TSPEAR: variants seen among roughly 807,000 people sequenced by gnomAD.
TSPEAR encodes the protein thrombospondin-type laminin G domain and EAR repeat-containing protein.
A neutral mutation model predicts 71.6 loss-of-function variants in TSPEAR; 69 were observed. The observed-to-expected ratio is 0.96, with a 90% CI of 0.79 to 1.18. The LOEUF (loss-of-function observed/expected upper bound fraction) is 1.18, where lower values mean the gene tolerates loss of function less well. Ranked by LOEUF, TSPEAR falls within the 50% of genes most tolerant of loss-of-function variation. TSPEAR has a pLI of 0.00. For missense variants in TSPEAR, 971 were observed against 894.9 expected (o/e 1.09, Z -1.09); for synonymous variants, 402 against 387.2 (o/e 1.04, Z -0.45).
intron 1 of TSPEAR, among the ~76,000 whole-genome samples, chr21:44,598,025 A>C (rs1430463281): frequency 6.6e-6 from 1 of 152,138 alleles, no homozygotes; most frequent in Non-Finnish European, 1.5e-5. Context: ...GCTTCTCTTC[A>C]AACAGGCTGC....
intron 3 of TSPEAR, among the ~76,000 whole-genome samples, chr21:44,533,089 T>G (rs1555915916): frequency 6.6e-6 from 1 of 152,252 alleles, no homozygotes. Flanking sequence ...CTTGGTGTGA[T>G]CGCCCTTACC....
chr21:44,682,257 C>G, intron 1 of TSPEAR: 1 of 1,067,576 alleles, frequency 9.4e-7, no homozygotes, highest in Non-Finnish European at 1.3e-6. Flanking sequence ...CCTTGTTTTT[C>G]TTCCTCAAGG....
Position 44,506,948 on chromosome 21 carries a change from G to T in TSPEAR, c.1755-2067C>A, listed in dbSNP as rs1462831932. 6.6e-6 allele frequency: 1 copy of T among 152,256 alleles called. No homozygotes were observed. Among genetic ancestry groups the T allele is most frequent in the Non-Finnish European group, 1.5e-5 (1 of 68,062 alleles). 9.4% of individuals were successfully genotyped at this position (152,256 alleles called of 1,614,324 possible). ...CCTGGGTCACACTCGCTGTAGGACA[G>T]ATGTTATTCTTCAGAATCACGCCCT... On this transcript the variant is annotated intron_variant, in intron 10 of 11. Coordinates refer to ENST00000323084, the MANE Select transcript of TSPEAR (RefSeq NM_144991.3). The surrounding 1 kb of genome is among the most constrained non-coding windows in gnomAD (Gnocchi z 4.2).
chr21:44,606,163 C>CAAAAAAAAA (rs61407657), intron 1 of TSPEAR, among the ~76,000 whole-genome samples: 3 of 71,002 alleles, frequency 4.2e-5, no homozygotes, highest in African/African-American at 8.5e-5. Flanking sequence ...GACCCTGGCT[C>CAAAAAAAAA]AAAAAAAAAA....
intron 1 of TSPEAR, among the ~76,000 whole-genome samples, chr21:44,688,937 C>T (rs1986985402): frequency 6.6e-6 from 1 of 152,132 alleles, no homozygotes; most frequent in South Asian, 2.1e-4. Context: ...TTCTCTCATG[C>T]TGGCCTCGGG....
At chr21:44,548,839 C>T (rs2053348638) in intron 2 of TSPEAR, among the ~76,000 whole-genome samples, 1 of 152,204 alleles carries the variant, frequency 6.6e-6, no homozygotes, top group Admixed American at 6.5e-5. Flanking sequence ...GAACACTCTG[C>T]ACCAGCAATG....
At chr21:44,513,923 C>T (rs2052475229) in intron 9 of TSPEAR, among the ~76,000 whole-genome samples, 1 of 152,126 alleles carries the variant, frequency 6.6e-6, no homozygotes, top group African/African-American at 2.4e-5. Flanking sequence ...GGGGGCAGCG[C>T]TACTGGATGA....
At chr21:44,540,585 C>G (rs2053203965) in intron 2 of TSPEAR, among the ~76,000 whole-genome samples, 1 of 152,200 alleles carries the variant, frequency 6.6e-6, no homozygotes, top group African/African-American at 2.4e-5. Context: ...GTGGGGGCGT[C>G]TCCTCCCTAA....
At chr21:44,627,907 C>T (rs1982968740) in intron 1 of TSPEAR, 1 of 1,520,446 alleles carries the variant, frequency 6.6e-7, no homozygotes, top group African/African-American at 1.4e-5. Flanking sequence ...CTGCTGCGTG[C>T]CCGTCTCCTC....
At chr21:44,697,745 G>T in intron 1 of TSPEAR, 2 of 1,614,094 alleles carry the variant, frequency 1.2e-6, no homozygotes, top group Non-Finnish European at 1.7e-6. Flanking sequence ...CTGCCAGCCA[G>T]CTTGCTGCAC....
chr21:44,685,712 G>A (rs1174223907), intron 1 of TSPEAR, among the ~76,000 whole-genome samples: 6 of 152,210 alleles, frequency 3.9e-5, no homozygotes, highest in South Asian at 2.1e-4. Context: ...TTCAGGATGA[G>A]TCACTTATTG....
chr21:44,542,742 T>TAAAAAAAAAAAA (rs11404148), intron 2 of TSPEAR, among the ~76,000 whole-genome samples: 1 of 120,004 alleles, frequency 8.3e-6, no homozygotes, highest in Non-Finnish European at 1.7e-5. Context: ...AGAGACCTGT[T>TAAAAAAAAAAAA]AAAAAAAAAA....
At chr21:44,538,595 C>T (rs1423445679) in intron 2 of TSPEAR, among the ~76,000 whole-genome samples, 5 of 152,196 alleles carry the variant, frequency 3.3e-5, no homozygotes, top group African/African-American at 4.8e-5. Context: ...GCAGAACCCT[C>T]GGGCGGGCGG....
At chr21:44,511,975 G>C (rs1409348206) in intron 9 of TSPEAR, among the ~76,000 whole-genome samples, 1 of 151,558 alleles carries the variant, frequency 6.6e-6, no homozygotes, top group Non-Finnish European at 1.5e-5. Context: ...CTGCAGATGG[G>C]GGACCATGGA....
rs782046626 is a variant in TSPEAR, at chr21:44,504,766, C to T, written c.1856+14G>A. 3.5e-5 allele frequency: 56 copies of T among 1,604,870 alleles called. No homozygotes were observed. The highest frequency in any genetic ancestry group is 4.4e-5 in the South Asian group (4 of 90,826). ...CAAGGCTCTGGGAGGAGGCCGGCCTCGGCAGCTCATTACCTGTAAATAATA... is the reference window on the plus strand; with the variant it reads ...CAAGGCTCTGGGAGGAGGCCGGCCTTGGCAGCTCATTACCTGTAAATAATA... On this transcript the variant is annotated intron_variant, in intron 11 of 11. Coordinates refer to ENST00000323084, the MANE Select transcript of TSPEAR (RefSeq NM_144991.3).
intron 11 of TSPEAR, among the ~76,000 whole-genome samples, chr21:44,503,051 G>A (rs2052076145): frequency 6.9e-6 from 1 of 145,396 alleles, no homozygotes; most frequent in Non-Finnish European, 1.5e-5. Context: ...GCAAGGCTCT[G>A]GGAGGAAGCT....
At chr21:44,508,691 C>G (rs587626524) in intron 10 of TSPEAR, 1 of 1,218,156 alleles carries the variant, frequency 8.2e-7, no homozygotes, top group African/African-American at 1.6e-5. Flanking sequence ...CAGACCCACC[C>G]TCCATGTTCC....
At chr21:44,629,881 G>A (rs1983156930) in intron 1 of TSPEAR, among the ~76,000 whole-genome samples, 1 of 152,222 alleles carries the variant, frequency 6.6e-6, no homozygotes, top group Admixed American at 6.5e-5. Flanking sequence ...GCTTCCAGAA[G>A]GGGAAGGTGG....
At chr21:44,508,934 T>C (rs2145920676) in intron 10 of TSPEAR, 1 of 1,525,790 alleles carries the variant, frequency 6.6e-7, no homozygotes, top group African/African-American at 1.4e-5. Flanking sequence ...AAGGAGGTAA[T>C]GGGTGTGAAG....
Sources: gnomAD v4.1 joint callset for allele counts (sites outside exome capture counted in the v4.1 genomes callset) on GRCh38, gnomAD v4.1.1 for gene constraint, Gnocchi (gnomAD v3.1) non-coding constraint, MANE v1.5 for transcripts, NCBI Gene and HGNC (gene_info 2026-07-23, HGNC 2026-07-21) for gene names.